Variants in MRPS25 observed in about 807,000 individuals in gnomAD.
MRPS25 encodes the protein mitochondrial ribosomal protein S25, also known as small ribosomal subunit protein mS25.
Under a neutral mutation model 17.3 loss-of-function variants are expected in MRPS25, and 15 were observed. The observed-to-expected ratio is 0.87, with a 90% confidence interval of 0.58 to 1.34. MRPS25 has a LOEUF of 1.34. MRPS25 is among the 40% of genes most tolerant of loss of function. MRPS25 has a pLI of 0.00. For missense variants in MRPS25, 225 were observed against 218.6 expected, an observed-to-expected ratio of 1.03 and a Z score of -0.19; for synonymous variants, 94 against 83.3, an observed-to-expected ratio of 1.13 and a Z score of -0.70.
At chr3:15,053,224 CAGAA>C (rs2042628056) in intron 3 of MRPS25, 152 bp downstream of exon 3, 4 of 1,451,568 alleles carry the variant, frequency 2.8e-6, no homozygotes, top group African/African-American at 1.4e-5. Context: ...AGAGCAACAT[CAGAA>C]AGAACTGATT....
In MRPS25 at chr3:15,051,195, T is replaced by G. The variant is rs953764395; in HGVS notation, c.*1246A>C. 9.2e-6 allele frequency: 9 copies of G among 983,192 alleles called. No individual in the cohort carries two copies. The African/African-American group carries it at 1.6e-4, about 17-fold the overall frequency. The allele number at this position is 983,192 out of a possible 1,614,324, so 60.9% of individuals were successfully genotyped here. On this transcript the variant is annotated 3_prime_UTR_variant, in exon 4 of 4. Coordinates refer to ENST00000253686, the MANE Select transcript of MRPS25 (RefSeq NM_022497.5). The stretch of plus-strand genomic sequence containing the variant: ...TATAATTAAACTTATTTAAAAAATT[T>G]TTTTTCTTGAGACAGTCTTGCTCTG...
intron 3 of MRPS25, 38 bp downstream of exon 3, chr3:15,053,342 A>G: frequency 6.2e-7 from 1 of 1,614,078 alleles, no homozygotes. Context: ...CTCTGGGCTG[A>G]GAAGTTTGTT....
At chr3:15,059,082 G>A (rs183389849) in intron 2 of MRPS25, among the ~76,000 whole-genome samples, 26 of 151,726 alleles carry the variant, frequency 1.7e-4, no homozygotes, top group Admixed American at 1.4e-3. Flanking sequence ...TCCAGGCCAG[G>A]AACAATCTTG....
downstream of MRPS25, chr3:15,046,655 TA>T (rs373443421): frequency 4.6e-5 from 7 of 152,334 alleles, no homozygotes; most frequent in African/African-American, 1.7e-4. Context: ...CTTTCCAGTG[TA>T]AATGACTTTA....
rs139983645 is a variant in MRPS25, at chr3:15,064,121, C to A, written c.134+940G>T. Among the ~76,000 whole-genome samples the A allele has an allele frequency of 4.4e-3, 663 of 152,314 alleles. 1 individual carries two copies. Among genetic ancestry groups the A allele is most frequent in the African/African-American group, 0.015 (632 of 41,550 alleles). On this transcript the variant is annotated intron_variant, in intron 1 of 3. Coordinates refer to ENST00000253686, the MANE Select transcript of MRPS25 (RefSeq NM_022497.5). Reference sequence around the variant, plus strand: ...CACAAGAAGTTGCTCCCCGCCCCCACGCCTCATTTTGATCCAACATACACC... The same window carrying A: ...CACAAGAAGTTGCTCCCCGCCCCCAAGCCTCATTTTGATCCAACATACACC...
Position 15,049,688 on chromosome 3 carries a change from TATTC to T in MRPS25, c.*2749_*2752del, listed in dbSNP as rs1356662599. 3 of 557,006 alleles carry T rather than the reference TATTC, an allele frequency of 5.4e-6. 1 individual carries two copies. The Admixed American group carries it at 1.1e-4, about 21-fold the overall frequency. 34.5% of individuals were successfully genotyped at this position (557,006 alleles called of 1,614,324 possible). On this transcript the variant is annotated 3_prime_UTR_variant, in exon 4 of 4. Transcript: ENST00000253686. ...TCCAAAAGTTTCAGAAGTTAGAACA[TATTC>T]ATTATGTCATCTGACCTCTCATGTT... is the stretch of plus-strand genomic sequence containing the variant.
intron 2 of MRPS25, among the ~76,000 whole-genome samples, chr3:15,053,882 G>T (rs537986372): frequency 5.3e-5 from 8 of 152,216 alleles, no homozygotes; most frequent in Non-Finnish European, 8.8e-5. Context: ...TCTAAAAAAC[G>T]AGAAAATGGG....
intron 1 of MRPS25, among the ~76,000 whole-genome samples, chr3:15,064,511 C>G (rs2042827578): frequency 1.3e-5 from 2 of 152,184 alleles, no homozygotes; most frequent in Non-Finnish European, 2.9e-5. Flanking sequence ...GGCATGGTGT[C>G]TCGTGGAGCT....
At chr3:15,060,138 T>TG (rs2042731311) in intron 1 of MRPS25, among the ~76,000 whole-genome samples, 1 of 152,048 alleles carries the variant, frequency 6.6e-6, no homozygotes, top group African/African-American at 2.4e-5. Flanking sequence ...TATGGAGGTT[T>TG]GGGGGGTGAG....
At chr3:15,057,605 G>C (rs1307075926) in intron 2 of MRPS25, among the ~76,000 whole-genome samples, 3 of 152,204 alleles carry the variant, frequency 2.0e-5, no homozygotes, top group Non-Finnish European at 4.4e-5. Flanking sequence ...ATAACGGGTT[G>C]CCTCTGGTGG....
chr3:15,063,476 T>C (rs1010049027), intron 1 of MRPS25, among the ~76,000 whole-genome samples: 10 of 151,996 alleles, frequency 6.6e-5, no homozygotes, highest in Non-Finnish European at 1.2e-4. Flanking sequence ...GGGCTGGGGA[T>C]TGGGGGAGGA....
downstream of MRPS25, chr3:15,042,461 C>T (rs1681218367): frequency 6.0e-6 from 1 of 166,726 alleles, no homozygotes; most frequent in Admixed American, 6.3e-5. Flanking sequence ...GATGTCTTTC[C>T]TGGTCAGTAA....
At chr3:15,052,775 CTA>C in intron 3 of MRPS25, 142 bp from the exon 4 acceptor site, 1 of 877,002 alleles carries the variant, frequency 1.1e-6, no homozygotes, top group South Asian at 1.6e-5. Context: ...CTGTCAAAGC[CTA>C]TCGCTGTCTC....
chr3:15,059,078 C>A (rs1469579338), intron 2 of MRPS25, among the ~76,000 whole-genome samples: 2 of 150,546 alleles, frequency 1.3e-5, no homozygotes, highest in African/African-American at 4.9e-5. Flanking sequence ...GGATTCCAGG[C>A]CAGGAACAAT....
At chr3:15,053,954 G>A (rs2125132781) in intron 2 of MRPS25, among the ~76,000 whole-genome samples, 1 of 152,270 alleles carries the variant, frequency 6.6e-6, no homozygotes, top group Admixed American at 6.5e-5. Context: ...TCAAGACAGT[G>A]TGGTACTAGT....
At chr3:15,046,356 G>A (rs1342380074), downstream of MRPS25, 1 of 152,214 alleles carries the variant, frequency 6.6e-6, no homozygotes, top group Non-Finnish European at 1.5e-5. Flanking sequence ...CAGTGGATGC[G>A]TTAGGCTCCT....
downstream of MRPS25, chr3:15,043,445 T>C (rs891850555): frequency 2.0e-5 from 3 of 152,946 alleles, no homozygotes; most frequent in African/African-American, 7.2e-5. Context: ...CACTTATCAA[T>C]GTGTAACGTT....
intron 1 of MRPS25, among the ~76,000 whole-genome samples, chr3:15,062,393 G>A (rs1219231561): frequency 9.1e-6 from 1 of 109,570 alleles, no homozygotes; most frequent in Non-Finnish European, 2.0e-5. Context: ...CCGGGAGGGA[G>A]GTGGGGGGTC....
chr3:15,051,079 A>ATTCT lies in MRPS25; in HGVS notation c.*1358_*1361dup. On this transcript the variant is annotated 3_prime_UTR_variant, in exon 4 of 4. Coordinates refer to ENST00000253686, the MANE Select transcript of MRPS25 (RefSeq NM_022497.5). Reference sequence around the variant, plus strand: ...TGTCAAGCACCACTGTCCTTTTTTAATTCTTTTAACCACTGCCTTCCTGTC... The same window carrying ATTCT: ...TGTCAAGCACCACTGTCCTTTTTTAATTCTTTCTTTTAACCACTGCCTTCCTGTC... 1 of 985,222 alleles carries ATTCT rather than the reference A, an allele frequency of 1.0e-6. No individual in the cohort carries two copies. Among genetic ancestry groups the ATTCT allele is most frequent in the Non-Finnish European group, 1.2e-6 (1 of 829,758 alleles). 61.0% of individuals were successfully genotyped at this position (985,222 alleles called of 1,614,324 possible).
Sources: gnomAD v4.1 joint callset for allele counts (sites outside exome capture counted in the v4.1 genomes callset) on GRCh38, gnomAD v4.1.1 for gene constraint, MANE v1.5 for transcripts, NCBI Gene and HGNC (gene_info 2026-07-23, HGNC 2026-07-21) for gene names.